Variants in SUCLG2 observed in about 807,000 individuals in gnomAD.
SUCLG2 encodes the protein succinate-CoA ligase GDP-forming subunit beta.
Under a neutral mutation model 47.9 loss-of-function variants are expected in SUCLG2, and 42 were observed. That is an observed-to-expected ratio of 0.88 (90% CI 0.69 to 1.14). SUCLG2 has a LOEUF of 1.14. SUCLG2 is among the 50% of genes most tolerant of loss of function. The pLI is 0.00. For synonymous variants in SUCLG2, 195 were observed against 197.3 expected, an observed-to-expected ratio of 0.99 and a Z score of 0.10; for missense variants, 571 against 525.9, an observed-to-expected ratio of 1.09 and a Z score of -0.84.
At chr3:67,424,442 T>C (rs972432512) in intron 9 of SUCLG2, among the ~76,000 whole-genome samples, 12 of 152,168 alleles carry the variant, frequency 7.9e-5, no homozygotes, top group African/African-American at 2.9e-4. Flanking sequence ...GATGATGCAT[T>C]GGAACTGTTG....
At chr3:67,397,107 T>C (rs1443674440) in intron 10 of SUCLG2, among the ~76,000 whole-genome samples, 5 of 151,332 alleles carry the variant, frequency 3.3e-5, no homozygotes, top group East Asian at 3.9e-4. Flanking sequence ...CTTTGAAAAC[T>C]GGCACAAGAC....
At chr3:67,584,266 A>G (rs1707953906) in intron 2 of SUCLG2, among the ~76,000 whole-genome samples, 1 of 152,210 alleles carries the variant, frequency 6.6e-6, no homozygotes, top group African/African-American at 2.4e-5. Context: ...AACCTCAAAA[A>G]TATGATACTA....
intron 2 of SUCLG2, among the ~76,000 whole-genome samples, chr3:67,566,883 C>A (rs541922692): frequency 6.6e-6 from 1 of 152,232 alleles, no homozygotes; most frequent in South Asian, 2.1e-4. Context: ...TATGTCTAAC[C>A]TCCTTTAAAA....
chr3:67,450,423 T>C (rs534481066), intron 9 of SUCLG2, among the ~76,000 whole-genome samples: 64 of 152,334 alleles, frequency 4.2e-4, no homozygotes, highest in African/African-American at 1.4e-3. Context: ...TTAAGCCATA[T>C]TGGCACCAAG....
At chr3:67,607,018 T>C (rs934235030) in intron 2 of SUCLG2, among the ~76,000 whole-genome samples, 4 of 152,192 alleles carry the variant, frequency 2.6e-5, no homozygotes, top group African/African-American at 7.2e-5. Flanking sequence ...TAAAAGAGCA[T>C]AGAAAATTAG....
At chr3:67,566,176 C>T (rs963811581) in intron 2 of SUCLG2, among the ~76,000 whole-genome samples, 8 of 152,172 alleles carry the variant, frequency 5.3e-5, no homozygotes, top group African/African-American at 2.4e-5. Context: ...ACTGATTTTC[C>T]GAATACGGTG....
At chr3:67,549,613 A>G (rs1469668598) in intron 2 of SUCLG2, among the ~76,000 whole-genome samples, 1 of 152,182 alleles carries the variant, frequency 6.6e-6, no homozygotes, top group African/African-American at 2.4e-5. Context: ...GTTCTTTACA[A>G]TGACTATTTA....
intron 10 of SUCLG2, among the ~76,000 whole-genome samples, chr3:67,363,570 ATCTC>A (rs1355150322): frequency 2.6e-5 from 4 of 152,200 alleles, no homozygotes; most frequent in Non-Finnish European, 5.9e-5. Context: ...AAATCTATCC[ATCTC>A]TCTATCTAGG....
At chr3:67,466,212 G>C (rs937156619) in intron 9 of SUCLG2, among the ~76,000 whole-genome samples, 9 of 152,114 alleles carry the variant, frequency 5.9e-5, no homozygotes, top group African/African-American at 2.2e-4. Context: ...AGTTAGCCAG[G>C]CATGGTGGCA....
chr3:67,592,394 A>G (rs1347135571), intron 2 of SUCLG2, among the ~76,000 whole-genome samples: 1 of 152,230 alleles, frequency 6.6e-6, no homozygotes, highest in African/African-American at 2.4e-5. Context: ...CAGAGAAGGA[A>G]GAAGATCTTA....
chr3:67,480,932 G>A (rs1704897653), intron 9 of SUCLG2, among the ~76,000 whole-genome samples: 1 of 152,172 alleles, frequency 6.6e-6, no homozygotes, highest in Non-Finnish European at 1.5e-5. Flanking sequence ...TGGAAAAGCA[G>A]GGTGAGCAAA....
chr3:67,644,469 G>GT (rs1701157173), intron 1 of SUCLG2, among the ~76,000 whole-genome samples: 1 of 152,090 alleles, frequency 6.6e-6, no homozygotes. Context: ...TGGTTGGCAG[G>GT]GACTAGGGGA....
At chr3:67,544,506 G>T (rs58780346) in intron 2 of SUCLG2, among the ~76,000 whole-genome samples, 1 of 152,142 alleles carries the variant, frequency 6.6e-6, no homozygotes, top group Admixed American at 6.5e-5. Flanking sequence ...CACCATGATT[G>T]TAAGTTTCCT....
intron 2 of SUCLG2, among the ~76,000 whole-genome samples, chr3:67,541,931 C>T (rs1204846102): frequency 6.6e-6 from 1 of 151,216 alleles, no homozygotes; most frequent in East Asian, 1.9e-4. Flanking sequence ...TGCAATGGTA[C>T]AATCTTGGCT....
In SUCLG2 at chr3:67,380,369, G is replaced by A. The variant is rs79063376; in HGVS notation, c.1184-4510C>T. On this transcript the variant is annotated intron_variant, in intron 10 of 10. Coordinates refer to ENST00000307227, the MANE Select transcript of SUCLG2 (RefSeq NM_003848.4). The stretch of plus-strand genomic sequence containing the variant: ...GCTCCAGGCTAACACTGGTGGACAG[G>A]GCCAGGGAAGAAAGGGGACGGAGCA... Among the ~76,000 whole-genome samples the A allele has an allele frequency of 5.1e-3, 776 of 152,164 alleles. 2 individuals are homozygous for A. Among genetic ancestry groups the A allele is most frequent in the Non-Finnish European group, 9.0e-3 (610 of 68,012 alleles).
chr3:67,443,979 G>A (rs1284877737), intron 9 of SUCLG2, among the ~76,000 whole-genome samples: 33 of 105,610 alleles, frequency 3.1e-4, no homozygotes, highest in East Asian at 7.9e-4. Flanking sequence ...TCAGCCCCCC[G>A]CCCGGCCAGC....
intron 9 of SUCLG2, among the ~76,000 whole-genome samples, chr3:67,454,713 A>G (rs1704141594): frequency 6.6e-6 from 1 of 152,198 alleles, no homozygotes; most frequent in Admixed American, 6.5e-5. Context: ...CTGTAATCCC[A>G]ACACTTTGGG....
chr3:67,465,649 T>C (rs1380447681), intron 9 of SUCLG2, among the ~76,000 whole-genome samples: 1 of 152,170 alleles, frequency 6.6e-6, no homozygotes, highest in Non-Finnish European at 1.5e-5. Context: ...CTTCCCTCTC[T>C]CCTTCACTCA....
chr3:67,381,986 G>A (rs1343539793), intron 10 of SUCLG2, among the ~76,000 whole-genome samples: 2 of 152,104 alleles, frequency 1.3e-5, no homozygotes, highest in South Asian at 2.1e-4. Flanking sequence ...GATTTTGTTC[G>A]CAAGGTGCAG....
Sources: gnomAD v4.1 joint callset for allele counts (sites outside exome capture counted in the v4.1 genomes callset) on GRCh38, gnomAD v4.1.1 for gene constraint, MANE v1.5 for transcripts, NCBI Gene and HGNC (gene_info 2026-07-23, HGNC 2026-07-21) for gene names.